The following PTPRM variants were observed in gnomAD, a reference collection of about 807,000 sequenced individuals.
PTPRM encodes the protein protein tyrosine phosphatase receptor type M.
In PTPRM, 47 loss-of-function variants were observed where a neutral mutation model predicts 186.7. The ratio of observed to expected loss-of-function variants is 0.25; its 90% CI spans 0.20 to 0.32. PTPRM has a LOEUF of 0.32. PTPRM is among the 10% of genes least tolerant of loss of function. The pLI is 1.00. For synonymous variants in PTPRM, 668 were observed against 674.9 expected, an observed-to-expected ratio of 0.99 and a Z score of 0.16; for missense variants, 1,494 against 1,865.0, an observed-to-expected ratio of 0.80 and a Z score of 3.66.
At chr18:7,800,853 A>G (rs2043924229) in intron 2 of PTPRM, among the ~76,000 whole-genome samples, 1 of 152,212 alleles carries the variant, frequency 6.6e-6, no homozygotes, top group African/African-American at 2.4e-5. Flanking sequence ...TGTACTGAAT[A>G]CTGTAGGTAA....
At chr18:8,206,417 T>C (rs1366973536) in intron 14 of PTPRM, among the ~76,000 whole-genome samples, 1 of 151,934 alleles carries the variant, frequency 6.6e-6, no homozygotes, top group Non-Finnish European at 1.5e-5. Context: ...TCCAGCTAAT[T>C]TTTTGTACTT....
chr18:7,713,813 C>T (rs1436050375), intron 1 of PTPRM, among the ~76,000 whole-genome samples: 1 of 151,616 alleles, frequency 6.6e-6, no homozygotes, highest in East Asian at 1.9e-4. Context: ...ATCAATGCAA[C>T]AAGAAGAGCT....
At chr18:7,904,286 A>C (rs1567992470) in intron 3 of PTPRM, among the ~76,000 whole-genome samples, 1 of 152,188 alleles carries the variant, frequency 6.6e-6, no homozygotes, top group Non-Finnish European at 1.5e-5. Flanking sequence ...ACAAATATGT[A>C]CAATTTGTTG....
At chr18:8,240,858 AG>A (rs2094428104) in intron 14 of PTPRM, among the ~76,000 whole-genome samples, 1 of 150,792 alleles carries the variant, frequency 6.6e-6, no homozygotes. Flanking sequence ...AAAGAAAGAA[AG>A]AAATTGAAAG....
chr18:7,576,940 A>G (rs1402292814), intron 1 of PTPRM, among the ~76,000 whole-genome samples: 1 of 152,244 alleles, frequency 6.6e-6, no homozygotes, highest in Non-Finnish European at 1.5e-5. Context: ...CTTTTAACAT[A>G]CTCATAATGT....
chr18:7,734,266 A>G (rs1373247867), intron 1 of PTPRM, among the ~76,000 whole-genome samples: 1 of 152,202 alleles, frequency 6.6e-6, no homozygotes, highest in African/African-American at 2.4e-5. Context: ...GTGGAGGAGG[A>G]TCTACAGGAA....
chr18:7,795,127 G>T (rs2043554707), intron 2 of PTPRM, among the ~76,000 whole-genome samples: 1 of 152,338 alleles, frequency 6.6e-6, no homozygotes, highest in African/African-American at 2.4e-5. Context: ...CAGGCGTTTG[G>T]CTGCTGGCAG....
intron 2 of PTPRM, among the ~76,000 whole-genome samples, chr18:7,790,607 T>C (rs373176736): frequency 3.3e-5 from 5 of 152,238 alleles, no homozygotes; most frequent in African/African-American, 1.2e-4. Flanking sequence ...ATATCTATTT[T>C]ACGAGTATTA....
chr18:7,797,835 T>C (rs969195619), intron 2 of PTPRM, among the ~76,000 whole-genome samples: 1 of 152,200 alleles, frequency 6.6e-6, no homozygotes, highest in African/African-American at 2.4e-5. Flanking sequence ...GAGCTGCTAA[T>C]CTTAAATTTA....
At chr18:8,183,799 G>A (rs1196078988) in intron 14 of PTPRM, among the ~76,000 whole-genome samples, 2 of 152,316 alleles carry the variant, frequency 1.3e-5, no homozygotes, top group South Asian at 2.1e-4. Context: ...GTATTATGTG[G>A]TGTTTACATC....
intron 9 of PTPRM, among the ~76,000 whole-genome samples, chr18:8,078,938 C>T (rs1378991016): frequency 1.3e-5 from 2 of 152,190 alleles, no homozygotes; most frequent in Admixed American, 1.3e-4. Context: ...GACCCAAACA[C>T]CTCCAACATT....
chr18:8,241,608 G>T (rs552850855), intron 14 of PTPRM, among the ~76,000 whole-genome samples: 1 of 152,230 alleles, frequency 6.6e-6, no homozygotes, highest in Admixed American at 6.5e-5. Flanking sequence ...AACCTCCATG[G>T]GGCATCAGTG....
chr18:7,579,692 G>A (rs2036792554), intron 1 of PTPRM, among the ~76,000 whole-genome samples: 1 of 152,222 alleles, frequency 6.6e-6, no homozygotes, highest in African/African-American at 2.4e-5. Flanking sequence ...GATGATTTTA[G>A]ATCTCTAAAT....
At chr18:8,316,459 G>T (rs934298966) in intron 21 of PTPRM, among the ~76,000 whole-genome samples, 1 of 152,140 alleles carries the variant, frequency 6.6e-6, no homozygotes, top group African/African-American at 2.4e-5. Flanking sequence ...CATGAGCAAG[G>T]CTATAAAGTA....
intron 4 of PTPRM, among the ~76,000 whole-genome samples, chr18:7,911,953 A>G (rs1410568245): frequency 6.9e-6 from 1 of 144,162 alleles, no homozygotes. Flanking sequence ...CCCACGTTTA[A>G]GTGATTCTCC....
intron 13 of PTPRM, among the ~76,000 whole-genome samples, chr18:8,142,211 G>A (rs116586517): frequency 0.012 from 1,751 of 152,232 alleles, 31 homozygotes; most frequent in African/African-American, 0.039. Context: ...CTTCAGAAGG[G>A]TTTTTATTTC....
chr18:8,126,000 TATATATATATATATATA>T (rs1441803694), intron 13 of PTPRM, among the ~76,000 whole-genome samples: 294 of 16,308 alleles, frequency 0.018, 22 homozygotes, highest in Middle Eastern at 0.037. Context: ...TATATATATA[TATATATATATATATATA>T]TATATATATA....
At chr18:8,031,189 A>T (rs1419917564) in intron 7 of PTPRM, among the ~76,000 whole-genome samples, 2 of 152,178 alleles carry the variant, frequency 1.3e-5, no homozygotes, top group Non-Finnish European at 2.9e-5. Flanking sequence ...TGCTAATCAC[A>T]CTCTTAAATC....
chr18:8,086,021 A>C, intron 10 of PTPRM, 149 bp downstream of exon 10: 1 of 730,820 alleles, frequency 1.4e-6, no homozygotes, highest in Non-Finnish European at 2.3e-6. Context: ...TCACAGCTTT[A>C]AATGAAGTAC....
Sources: gnomAD v4.1 joint callset for allele counts (sites outside exome capture counted in the v4.1 genomes callset) on GRCh38, gnomAD v4.1.1 for gene constraint, MANE v1.5 for transcripts, NCBI Gene and HGNC (gene_info 2026-07-23, HGNC 2026-07-21) for gene names.